ANXA3: variants seen among roughly 807,000 people sequenced by gnomAD.
ANXA3 encodes 35-alpha calcimedin.
ANXA3 carries 46 observed loss-of-function variants against 48.8 expected under a neutral mutation model. That is an observed-to-expected ratio of 0.94 (90% CI 0.74 to 1.21). The LOEUF is 1.21. Ranked by LOEUF, ANXA3 falls within the 50% of genes most tolerant of loss-of-function variation. The pLI is 0.00. For synonymous variants in ANXA3, 128 were observed against 134.7 expected, an observed-to-expected ratio of 0.95 and a Z score of 0.35; for missense variants, 383 against 378.6, an observed-to-expected ratio of 1.01 and a Z score of -0.10.
At chr4:78,565,129 G>A (rs756444866) in intron 2 of ANXA3, among the ~76,000 whole-genome samples, 7 of 151,998 alleles carry the variant, frequency 4.6e-5, no homozygotes, top group Non-Finnish European at 8.8e-5. Context: ...GAGTAGCTGG[G>A]ATTACAGGCA....
At chr4:78,577,814 G>A (rs10023165) in intron 3 of ANXA3, among the ~76,000 whole-genome samples, 1,732 of 152,156 alleles carry the variant, frequency 0.011, 44 homozygotes, top group African/African-American at 0.039. Context: ...TCCCAAACCA[G>A]GTATCATCGT....
At chr4:78,602,346 T>C (rs950686224) in intron 11 of ANXA3, 4 of 152,206 alleles carry the variant, frequency 2.6e-5, no homozygotes, top group Non-Finnish European at 5.9e-5. Flanking sequence ...GTAGCTAATT[T>C]GTCTACTGAT....
intron 5 of ANXA3, among the ~76,000 whole-genome samples, chr4:78,583,626 A>AAGAAG (rs1560446384): frequency 6.6e-6 from 1 of 150,766 alleles, no homozygotes; most frequent in African/African-American, 2.5e-5. Context: ...AAAAAAAAAA[A>AAGAAG]AAGAAGAAGA....
At chr4:78,606,832 C>T (rs1011659251) in intron 12 of ANXA3, among the ~76,000 whole-genome samples, 8 of 152,282 alleles carry the variant, frequency 5.3e-5, no homozygotes, top group African/African-American at 1.9e-4. Context: ...CAGGAACTTA[C>T]TCAAAAAGGC....
chr4:78,601,725 C>T (rs1387745207), intron 11 of ANXA3, 157 bp downstream of exon 11: 6 of 548,850 alleles, frequency 1.1e-5, no homozygotes, highest in East Asian at 9.0e-5. Context: ...TGATACAATA[C>T]ACTCTTTACA....
In ANXA3 at chr4:78,556,382, A is replaced by G. The variant is rs146119523; in HGVS notation, c.15+1894A>G. Among the ~76,000 whole-genome samples the G allele has an allele frequency of 1.3e-3, 198 of 152,372 alleles. 1 individual carries two copies. Among genetic ancestry groups the G allele is most frequent in the African/African-American group, 4.5e-3 (189 of 41,586 alleles). On this transcript the variant is annotated intron_variant, in intron 2 of 12. Coordinates refer to ENST00000264908, the MANE Select transcript of ANXA3 (RefSeq NM_005139.3). ...TATGTACAGAGGGATTCTGTTTAAA[A>G]GAAAGAACAAAGAAAATAAAAAATT...
chr4:78,586,282 C>T lies in ANXA3; in HGVS notation c.335C>T (p.Ala112Val), dbSNP rs148432198. 1.3e-4 allele frequency: 212 copies of T among 1,613,388 alleles called. 1 individual carries two copies. Among genetic ancestry groups the T allele is most frequent in the Middle Eastern group, 3.3e-4 (2 of 6,074 alleles). ...TAGGGCGCGGGAACAAACGAAGATGCCTTGATTGAAATCTTAACTACCAGG... is the reference window on the plus strand; with the variant it reads ...TAGGGCGCGGGAACAAACGAAGATGTCTTGATTGAAATCTTAACTACCAGG... ...SMKGAGTNED[A>V]LIEILTTRTS... Residue 112 changes from alanine to valine, a missense_variant, in exon 6 of 13, where the codon GCC (alanine) becomes GTC (valine). By Grantham distance (64) the Ala-to-Val change is moderately conservative (BLOSUM62 0). Coordinates refer to ENST00000264908, the MANE Select transcript of ANXA3 (RefSeq NM_005139.3).
At chr4:78,590,026 C>A (rs991130622) in intron 6 of ANXA3, among the ~76,000 whole-genome samples, 2 of 152,146 alleles carry the variant, frequency 1.3e-5, no homozygotes, top group Non-Finnish European at 2.9e-5. Context: ...TAGTTGTCAA[C>A]TTAGGTTGAA....
chr4:78,601,798 G>A (rs1222567653), intron 11 of ANXA3: 1 of 395,550 alleles, frequency 2.5e-6, no homozygotes, highest in Non-Finnish European at 4.5e-6. Context: ...TTTTTTCTAA[G>A]TAGGTATAAT....
intron 4 of ANXA3, 117 bp downstream of exon 4, chr4:78,579,238 T>C (rs1479486016): frequency 4.7e-6 from 3 of 641,510 alleles, no homozygotes; most frequent in Non-Finnish European, 8.2e-6. Flanking sequence ...AGATGCCCTG[T>C]GCATCCAGTC....
rs1183026330 is a variant in ANXA3, at chr4:78,573,274, G to A, written c.103+7G>A. ...AAAGCAATCAGAGGAATTGGTGAGT[G>A]ATATTTTACAATTCCTTTCTTAATG... On this transcript the variant is annotated splice_region_variant and intron_variant, in intron 3 of 12. Coordinates refer to ENST00000264908, the MANE Select transcript of ANXA3 (RefSeq NM_005139.3). 4.4e-6 allele frequency: 7 copies of A among 1,596,862 alleles called. No homozygotes were observed. Among genetic ancestry groups the A allele is most frequent in the Non-Finnish European group, 6.0e-6 (7 of 1,165,120 alleles).
intron 2 of ANXA3, among the ~76,000 whole-genome samples, chr4:78,555,836 G>A (rs571269645): frequency 6.2e-4 from 85 of 136,272 alleles, no homozygotes; most frequent in Admixed American, 1.1e-3. Context: ...GGGTGACAGA[G>A]TGAAACCCTA....
intron 2 of ANXA3, among the ~76,000 whole-genome samples, chr4:78,564,910 C>A (rs1012817540): frequency 1.3e-5 from 2 of 151,936 alleles, no homozygotes; most frequent in Non-Finnish European, 2.9e-5. Flanking sequence ...TTGGGCCAAA[C>A]CATGCAGGGC....
chr4:78,574,560 A>G (rs1310077747), intron 3 of ANXA3, among the ~76,000 whole-genome samples: 1 of 152,352 alleles, frequency 6.6e-6, no homozygotes, highest in East Asian at 1.9e-4. Context: ...CCATAACTAC[A>G]TATACATGTA....
rs551131383 is a variant in ANXA3 at position 78,609,372 on chromosome 4, C to T, written c.913-684C>T. On this transcript the variant is annotated intron_variant, in intron 12 of 12. Transcript: ENST00000264908. ...ACCTCCTGTGAAGTCTTTTGCGTTA[C>T]AAACTTGGTATCTTTGCCCTTTAAG... Among the ~76,000 whole-genome samples, 167 of 152,322 alleles carry T rather than the reference C, an allele frequency of 1.1e-3. No individual in the cohort carries two copies. The Middle Eastern group carries it at 0.02, about 19-fold the overall frequency.
At chr4:78,559,797 G>C (rs1474484782) in intron 2 of ANXA3, among the ~76,000 whole-genome samples, 3 of 152,188 alleles carry the variant, frequency 2.0e-5, no homozygotes, top group Admixed American at 2.0e-4. Context: ...TAGGGTAATA[G>C]TGCTTATCTC....
chr4:78,552,472 A>C (rs1327698180), intron 1 of ANXA3: 1 of 152,200 alleles, frequency 6.6e-6, no homozygotes, highest in Non-Finnish European at 1.5e-5. Flanking sequence ...TCCTGAAAAG[A>C]CTAACCGTTT....
intron 7 of ANXA3, among the ~76,000 whole-genome samples, chr4:78,593,137 A>ACACACC (rs1553901085): frequency 1.3e-5 from 2 of 151,488 alleles, no homozygotes; most frequent in Non-Finnish European, 2.9e-5. Context: ...ACACACACAC[A>ACACACC]CACACACACA....
chr4:78,571,708 A>G (rs1722843717), intron 2 of ANXA3, among the ~76,000 whole-genome samples: 1 of 152,236 alleles, frequency 6.6e-6, no homozygotes, highest in African/African-American at 2.4e-5. Context: ...GAACTACCAC[A>G]TAAATCTACG....
Sources: allele counts gnomAD v4.1 joint callset (sites outside exome capture counted in the v4.1 genomes callset), GRCh38; gene constraint gnomAD v4.1.1; transcripts MANE v1.5; gene names NCBI Gene and HGNC (gene_info 2026-07-23, HGNC 2026-07-21).